Variants in ZBBX observed in about 807,000 individuals in gnomAD.
ZBBX encodes zinc finger B-box domain containing.
A neutral mutation model predicts 108.5 loss-of-function variants in ZBBX; 101 were observed. The ratio of observed to expected loss-of-function variants is 0.93; its 90% CI spans 0.79 to 1.10. The LOEUF (loss-of-function observed/expected upper bound fraction) is 1.10, where lower values mean the gene tolerates loss of function less well. ZBBX is among the 50% of genes least tolerant of loss of function. The pLI, the probability that ZBBX is intolerant of heterozygous loss-of-function variation, is 0.00. For synonymous variants in ZBBX, 356 were observed against 323.4 expected (o/e 1.10, Z -1.08); for missense variants, 1,009 against 941.4 (o/e 1.07, Z -0.94).
the ZBBX span, among the ~76,000 whole-genome samples, chr3:167,228,008 T>C: frequency 1.3e-5 from 2 of 151,728 alleles, no homozygotes; most frequent in Non-Finnish European, 1.5e-5. Flanking sequence ...CAAGGGAATA[T>C]ATCTTAGGTC....
chr3:167,395,784 A>C (rs1167192270), intron 1 of ZBBX, among the ~76,000 whole-genome samples: 4 of 151,980 alleles, frequency 2.6e-5, no homozygotes, highest in Admixed American at 6.6e-5. Context: ...TGCATATCAT[A>C]AATTGCAAAT....
intron 9 of ZBBX, among the ~76,000 whole-genome samples, chr3:167,347,765 T>C (rs1049602589): frequency 6.6e-6 from 1 of 151,952 alleles, no homozygotes; most frequent in South Asian, 2.1e-4. Context: ...ACTTCCCTAG[T>C]AGACAATACA....
At chr3:167,265,221 C>T (rs577339674) in intron 20 of ZBBX, among the ~76,000 whole-genome samples, 1 of 152,184 alleles carries the variant, frequency 6.6e-6, no homozygotes, top group Non-Finnish European at 1.5e-5. Flanking sequence ...ATCTTAGAGT[C>T]CAAGGCCTGT....
At chr3:167,259,218 G>A (rs545373998) in intron 20 of ZBBX, among the ~76,000 whole-genome samples, 1 of 152,172 alleles carries the variant, frequency 6.6e-6, no homozygotes, top group East Asian at 1.9e-4. Context: ...ATTTTTCCAG[G>A]AATTTATCCA....
At chr3:167,391,333 G>A (rs973587140) in intron 1 of ZBBX, among the ~76,000 whole-genome samples, 1 of 151,850 alleles carries the variant, frequency 6.6e-6, no homozygotes, top group Non-Finnish European at 1.5e-5. Flanking sequence ...CAGGGATGAA[G>A]CTGACTTGAT....
At chr3:167,282,763 A>G (rs1254033971) in intron 19 of ZBBX, among the ~76,000 whole-genome samples, 2 of 152,330 alleles carry the variant, frequency 1.3e-5, no homozygotes, top group East Asian at 3.9e-4. Flanking sequence ...AATATTCACA[A>G]AGGAAAATAT....
chr3:167,326,767 A>G (rs188546790), intron 11 of ZBBX, among the ~76,000 whole-genome samples: 24 of 152,068 alleles, frequency 1.6e-4, no homozygotes, highest in Admixed American at 1.6e-3. Context: ...GATGTGTGAT[A>G]AAGAAATGTA....
the ZBBX span, among the ~76,000 whole-genome samples, chr3:167,230,948 C>A: frequency 2.6e-5 from 4 of 151,602 alleles, no homozygotes; most frequent in African/African-American, 9.7e-5. Context: ...GTCAATATTT[C>A]GCATGTATTT....
chr3:167,201,445 A>G, the ZBBX span, among the ~76,000 whole-genome samples: 2 of 152,124 alleles, frequency 1.3e-5, no homozygotes, highest in South Asian at 4.1e-4. Context: ...TGAACAGTTA[A>G]AAAGTCAAAG....
At chr3:167,342,941 A>G (rs1375582396) in intron 9 of ZBBX, among the ~76,000 whole-genome samples, 7 of 151,858 alleles carry the variant, frequency 4.6e-5, no homozygotes, top group Non-Finnish European at 8.8e-5. Context: ...TGCAGTTTTT[A>G]TCTACCAATT....
At chr3:167,347,538 A>G (rs1005167268) in intron 9 of ZBBX, among the ~76,000 whole-genome samples, 15 of 152,182 alleles carry the variant, frequency 9.9e-5, no homozygotes, top group South Asian at 2.1e-4. Flanking sequence ...TTTTTTTAAA[A>G]ACTTTTCATT....
At chr3:167,289,895 T>C (rs1465200530) in intron 18 of ZBBX, among the ~76,000 whole-genome samples, 5 of 151,976 alleles carry the variant, frequency 3.3e-5, no homozygotes. Flanking sequence ...TCGAGCTTGG[T>C]GAAGGGAGAG....
the ZBBX span, among the ~76,000 whole-genome samples, chr3:167,200,939 T>C: frequency 2.0e-5 from 3 of 152,098 alleles, no homozygotes; most frequent in Admixed American, 6.6e-5. Context: ...AAGATGGAAA[T>C]ATGAAATTGC....
chr3:167,339,143 C>T (rs929831710), intron 9 of ZBBX, among the ~76,000 whole-genome samples: 6 of 151,826 alleles, frequency 4.0e-5, no homozygotes, highest in Non-Finnish European at 5.9e-5. Context: ...TTTTTCCCAA[C>T]GTGTTATTGT....
the ZBBX span, among the ~76,000 whole-genome samples, chr3:167,186,717 A>G: frequency 2.0e-5 from 3 of 152,310 alleles, no homozygotes; most frequent in African/African-American, 7.2e-5. Context: ...TCTGCAACCA[A>G]CAAAATCAAT....
chr3:167,275,286 C>T (rs1052367054), intron 20 of ZBBX, among the ~76,000 whole-genome samples: 2 of 152,070 alleles, frequency 1.3e-5, no homozygotes, highest in African/African-American at 4.8e-5. Flanking sequence ...CCAAGATGGC[C>T]GAATAGGAAC....
At position 167,365,877 on chromosome 3, in the gene ZBBX, T is replaced by C. The variant is rs767527789; in HGVS notation, c.273+9A>G. ...CAAAATGCATAAGAATCAAATAGTA[T>C]CTTCTTACCTTAACAACATTTCCTT... On this transcript the variant is annotated intron_variant, in intron 6 of 21. Coordinates refer to ENST00000675490, the MANE Select transcript of ZBBX (RefSeq NM_001199201.2). The C allele has an allele frequency of 1.5e-5, 24 of 1,584,366 alleles. No individual in the cohort carries two copies. The highest frequency in any genetic ancestry group is 2.1e-5 in the Non-Finnish European group (24 of 1,158,616).
intron 5 of ZBBX, among the ~76,000 whole-genome samples, chr3:167,368,013 T>C (rs1745595483): frequency 6.8e-6 from 1 of 147,682 alleles, no homozygotes; most frequent in African/African-American, 2.5e-5. Flanking sequence ...ATAGCATTTA[T>C]TTTTCAGATC....
At chr3:167,285,509 C>A (rs867553818) in intron 19 of ZBBX, among the ~76,000 whole-genome samples, 1 of 151,864 alleles carries the variant, frequency 6.6e-6, no homozygotes, top group Non-Finnish European at 1.5e-5. Context: ...AATTTATATA[C>A]AAATTTTATT....
Sources: gnomAD v4.1 joint callset for allele counts (sites outside exome capture counted in the v4.1 genomes callset) on GRCh38, gnomAD v4.1.1 for gene constraint, MANE v1.5 for transcripts, NCBI Gene and HGNC (gene_info 2026-07-23, HGNC 2026-07-21) for gene names.